ZFHX3: variants seen among roughly 807,000 people sequenced by gnomAD.
ZFHX3 encodes zinc finger homeobox 3, also known as zinc finger homeobox protein 3.
Under a neutral mutation model 279.1 loss-of-function variants are expected in ZFHX3, and 42 were observed. That is an observed-to-expected ratio of 0.15 (90% confidence interval 0.12 to 0.19). ZFHX3 has a LOEUF of 0.19. Among genes scored for constraint, ZFHX3 ranks in the 10% least tolerant of loss-of-function variants. The pLI is 1.00. For missense variants in ZFHX3, 4,981 were observed against 4,754.0 expected, an observed-to-expected ratio of 1.05 and a Z score of -1.40; for synonymous variants, 2,293 against 1,957.8, an observed-to-expected ratio of 1.17 and a Z score of -4.52.
At chr16:73,188,442 C>T (rs79094210) in intron 5 of ZFHX3, among the ~76,000 whole-genome samples, 3,261 of 152,314 alleles carry the variant, frequency 0.021, 126 homozygotes, top group African/African-American at 0.075. Flanking sequence ...TCTGTTTGGA[C>T]CCCTTTGTCC....
intron 2 of ZFHX3, among the ~76,000 whole-genome samples, chr16:73,478,285 A>G (rs1031665754): frequency 6.8e-6 from 1 of 147,806 alleles, no homozygotes; most frequent in Non-Finnish European, 1.5e-5. Context: ...AAAAAAAAAA[A>G]GTCAGAATTA....
At chr16:73,193,999 C>G (rs1384316989) in intron 5 of ZFHX3, among the ~76,000 whole-genome samples, 4 of 152,148 alleles carry the variant, frequency 2.6e-5, no homozygotes, top group East Asian at 3.9e-4. Context: ...CGCTAGGACC[C>G]TCTAGTCCAG....
intron 4 of ZFHX3, among the ~76,000 whole-genome samples, chr16:72,875,114 A>G (rs779695342): frequency 1.3e-5 from 2 of 152,172 alleles, no homozygotes; most frequent in African/African-American, 4.8e-5. Flanking sequence ...GTGCTCATAC[A>G]ACTCTAGCTG....
chr16:73,585,341 T>G (rs2004983), intron 2 of ZFHX3, among the ~76,000 whole-genome samples: 104,215 of 152,136 alleles, frequency 0.69, 36,198 homozygotes, highest in East Asian at 0.96. Flanking sequence ...ACTTGAACCC[T>G]GGAGGCGGAG....
intron 5 of ZFHX3, chr16:73,233,184 C>T (rs1313322001): frequency 6.6e-6 from 1 of 150,416 alleles, no homozygotes; most frequent in Admixed American, 6.6e-5. Context: ...CGGTGGGAAG[C>T]TCCGACGGGA....
intron 3 of ZFHX3, among the ~76,000 whole-genome samples, chr16:73,396,749 G>C (rs1170515006): frequency 6.6e-6 from 1 of 152,172 alleles, no homozygotes; most frequent in Non-Finnish European, 1.5e-5. Context: ...CCTCCCACCA[G>C]GTCCCTCCCT....
At chr16:73,364,041 C>T (rs569665425) in intron 3 of ZFHX3, among the ~76,000 whole-genome samples, 5 of 152,072 alleles carry the variant, frequency 3.3e-5, no homozygotes, top group African/African-American at 1.2e-4. Flanking sequence ...GGCATGGTGA[C>T]GCATGCCTGT....
chr16:72,856,260 C>G (rs1323434743), intron 4 of ZFHX3, among the ~76,000 whole-genome samples: 3 of 152,202 alleles, frequency 2.0e-5, no homozygotes, highest in Non-Finnish European at 4.4e-5. Flanking sequence ...AAAGGAAAAG[C>G]CAATGAGACT....
Position 73,198,680 on chromosome 16 carries a change from C to A in ZFHX3, c.-1103-54849G>T, listed in dbSNP as rs546042807. Among the ~76,000 whole-genome samples the A allele has an allele frequency of 5.3e-5, 8 of 152,256 alleles. No homozygotes were observed. In the East Asian group the frequency reaches 1.4e-3, roughly 26 times the overall value. ...CCTCCAGATTCAGTTGGTGGCTCAT[C>A]CTCGCTACAGAAACTTCCTTAATAT... is the stretch of plus-strand genomic sequence containing the variant. On this transcript the variant is annotated intron_variant, in intron 5 of 17. Transcript: ENST00000641206.
At chr16:73,388,047 AG>A (rs887172325) in intron 3 of ZFHX3, among the ~76,000 whole-genome samples, 5 of 151,930 alleles carry the variant, frequency 3.3e-5, no homozygotes, top group African/African-American at 1.2e-4. Context: ...AGCTGGGAGG[AG>A]GGGGAGAGAA....
chr16:73,300,143 T>G (rs774879570), intron 4 of ZFHX3, among the ~76,000 whole-genome samples: 13 of 151,856 alleles, frequency 8.6e-5, no homozygotes, highest in Non-Finnish European at 1.6e-4. Flanking sequence ...ACCTGTAGTC[T>G]CAGCTACTCA....
intron 1 of ZFHX3, among the ~76,000 whole-genome samples, chr16:73,795,855 C>A (rs567472472): frequency 1.3e-5 from 2 of 152,332 alleles, no homozygotes; most frequent in East Asian, 3.9e-4. Flanking sequence ...TAGATGGCCT[C>A]TCCCACTTCC....
chr16:72,833,196 G>A (rs1381241244), intron 4 of ZFHX3, among the ~76,000 whole-genome samples: 1 of 152,192 alleles, frequency 6.6e-6, no homozygotes, highest in Non-Finnish European at 1.5e-5. Flanking sequence ...GGGCAAAATA[G>A]CATCCCGCTT....
rs200701402 is a variant in ZFHX3 at position 72,794,125 on chromosome 16, C to T, written c.8557G>A (p.Ala2853Thr). The T allele has an allele frequency of 2.2e-4, 362 of 1,614,106 alleles. No individual in the cohort carries two copies. The highest frequency in any genetic ancestry group is 2.8e-4 in the Non-Finnish European group (334 of 1,180,058). Residue 2853 changes from alanine (A) to threonine (T), a missense_variant, in exon 9 of 10, where the codon GCA becomes ACA. Ala to Thr is a moderately conservative substitution (Grantham distance 58). Coordinates refer to ENST00000268489, the MANE Select transcript of ZFHX3 (RefSeq NM_006885.4). This position sits in a 1 kb window ranked among gnomAD's most constrained non-coding sequence, Gnocchi z 4.2. ...ATTCCCGTTGCACTGTCGTTATCTG[C>T]GTTGCCCTCGTCTCCAGTTGTGGTA... Reference protein sequence around the residue: ...TDTTTGDEGNADNDSATGIAT... With the variant: ...TDTTTGDEGNTDNDSATGIAT...
At chr16:73,537,926 G>A (rs1323505382) in intron 2 of ZFHX3, among the ~76,000 whole-genome samples, 1 of 152,172 alleles carries the variant, frequency 6.6e-6, no homozygotes, top group African/African-American at 2.4e-5. Flanking sequence ...ATCTTGAAAA[G>A]GCCATTACTA....
chr16:73,394,452 C>T (rs575513837), intron 3 of ZFHX3, among the ~76,000 whole-genome samples: 3 of 152,112 alleles, frequency 2.0e-5, no homozygotes, highest in Non-Finnish European at 4.4e-5. Context: ...CCCCCTACCA[C>T]GCCCAGCTAA....
At chr16:73,746,390 C>T (rs904350013) in intron 1 of ZFHX3, among the ~76,000 whole-genome samples, 3 of 152,132 alleles carry the variant, frequency 2.0e-5, no homozygotes, top group South Asian at 2.1e-4. Context: ...TTCTTATATA[C>T]GGAACAAAAG....
intron 1 of ZFHX3, among the ~76,000 whole-genome samples, chr16:73,797,203 C>CA (rs1186171410): frequency 9.1e-6 from 1 of 109,716 alleles, no homozygotes; most frequent in Non-Finnish European, 1.7e-5. Context: ...AACTCTATCT[C>CA]AAAAAAACAA....
chr16:73,640,040 C>T (rs2142155304), intron 2 of ZFHX3, among the ~76,000 whole-genome samples: 1 of 152,220 alleles, frequency 6.6e-6, no homozygotes, highest in South Asian at 2.1e-4. Flanking sequence ...CTCCTCCATC[C>T]CTCAAAGCCA....
Sources: gnomAD v4.1 joint callset for allele counts (sites outside exome capture counted in the v4.1 genomes callset) on GRCh38, gnomAD v4.1.1 for gene constraint, Gnocchi (gnomAD v3.1) non-coding constraint, MANE v1.5 for transcripts, NCBI Gene and HGNC (gene_info 2026-07-23, HGNC 2026-07-21) for gene names.